Variants in CNTRL observed in about 807,000 individuals in gnomAD.
CNTRL encodes the protein centriolin.
A neutral mutation model predicts 303.7 loss-of-function variants in CNTRL; 233 were observed. The ratio of observed to expected loss-of-function variants is 0.77; its 90% confidence interval spans 0.69 to 0.86. CNTRL has a LOEUF of 0.86. Among genes scored for constraint, CNTRL ranks in the 40% least tolerant of loss-of-function variants. CNTRL has a pLI of 0.00. For synonymous variants in CNTRL, 900 were observed against 922.2 expected, an observed-to-expected ratio of 0.98 and a Z score of 0.44; for missense variants, 2,524 against 2,650.6, an observed-to-expected ratio of 0.95 and a Z score of 1.05.
intron 11 of CNTRL, among the ~76,000 whole-genome samples, chr9:121,116,400 G>A (rs2049979494): frequency 6.6e-6 from 1 of 151,724 alleles, no homozygotes; most frequent in African/African-American, 2.4e-5. Context: ...TTTTGAGACA[G>A]GGCCTTGACT....
chr9:121,093,987 G>A (rs781481025), intron 4 of CNTRL, among the ~76,000 whole-genome samples: 1 of 152,136 alleles, frequency 6.6e-6, no homozygotes, highest in Non-Finnish European at 1.5e-5. Context: ...GGACGCGCCT[G>A]TGGTCCCAGC....
At chr9:121,165,146 C>T (rs750723465) in intron 35 of CNTRL, 46 bp downstream of exon 35, 48 of 1,492,172 alleles carry the variant, frequency 3.2e-5, no homozygotes, top group Non-Finnish European at 3.3e-5. Context: ...CCTTGCCCTT[C>T]GTTAGATTCT....
chr9:121,160,664 G>C (rs1038590500), intron 32 of CNTRL, among the ~76,000 whole-genome samples: 1 of 152,038 alleles, frequency 6.6e-6, no homozygotes, highest in Non-Finnish European at 1.5e-5. Context: ...TATGTACATC[G>C]CAGCAATATT....
Position 121,075,417 on chromosome 9 carries a change from T to C in CNTRL, c.-205+350T>C, listed in dbSNP as rs181042245. ...GAGGGGAGAGCTGGGATGTGCCAGC[T>C]GTCTGTGGGGAGTGAGCGGGAGAAA... is the stretch of plus-strand genomic sequence containing the variant. On this transcript the variant is annotated intron_variant, in intron 1 of 43. Coordinates refer to ENST00000373855, the MANE Select transcript of CNTRL (RefSeq NM_007018.6). Among the ~76,000 whole-genome samples the C allele has an allele frequency of 5.1e-4, 78 of 152,266 alleles. 1 individual carries two copies. Among genetic ancestry groups the C allele is most frequent in the African/African-American group, 1.8e-3 (75 of 41,566 alleles).
intron 16 of CNTRL, 118 bp downstream of exon 16, chr9:121,138,797 A>T (rs537993463): frequency 1.0e-6 from 1 of 1,000,348 alleles, no homozygotes; most frequent in African/African-American, 1.6e-5. Context: ...AATTACTAGA[A>T]AAAAGGGAAT....
chr9:121,134,542 G>T (rs1041153009), intron 14 of CNTRL, among the ~76,000 whole-genome samples: 4 of 152,032 alleles, frequency 2.6e-5, no homozygotes, highest in Admixed American at 6.6e-5. Flanking sequence ...TGATCCACCC[G>T]CCTTGGCCTC....
rs2051676981 is a variant in CNTRL at position 121,143,922 on chromosome 9, A to G, written c.2891A>G (p.Lys964Arg). 1.9e-6 allele frequency: 3 copies of G among 1,594,800 alleles called. No homozygotes were observed. Among genetic ancestry groups the G allele is most frequent in the Non-Finnish European group, 2.6e-6 (3 of 1,175,020 alleles). Residue 964 changes from lysine (K) to arginine (R), a missense_variant, in exon 20 of 44, where the codon AAA becomes AGA. By Grantham distance (26) the Lys-to-Arg change is conservative. Coordinates refer to ENST00000373855, the MANE Select transcript of CNTRL (RefSeq NM_007018.6). The stretch of plus-strand genomic sequence containing the variant: ...TTTTAGAAGAAACTTGAAGATGCCA[A>G]ATCTCAGGAGCAAGTTTTTGGTTTA... Reference protein sequence around the residue: ...LEKKKKLEDAKSQEQVFGLDK... With the variant: ...LEKKKKLEDARSQEQVFGLDK...
chr9:121,129,393 T>C (rs1050965028), intron 14 of CNTRL, among the ~76,000 whole-genome samples: 3 of 152,230 alleles, frequency 2.0e-5, no homozygotes, highest in Admixed American at 2.0e-4. Flanking sequence ...TTACTCTCTT[T>C]GTAGCAATTG....
Position 121,166,163 on chromosome 9 carries a change from T to G in CNTRL, c.5638T>G (p.Leu1880Val). 6.2e-7 allele frequency: 1 copy of G among 1,612,046 alleles called. No homozygotes were observed. ...GGAACTAGCTAATGTCCAAGACCAT[T>G]TGAACCTAGCAAAACAGGTAAGGTT... Reference protein sequence around the residue: ...QEELANVQDHLNLAKQDLLHT... With the variant: ...QEELANVQDHVNLAKQDLLHT... Residue 1880 changes from leucine to valine, a missense_variant, in exon 36 of 44, where the codon TTG becomes GTG. Coordinates refer to ENST00000373855, the MANE Select transcript of CNTRL (RefSeq NM_007018.6).
At chr9:121,138,033 T>C (rs74919452) in intron 15 of CNTRL, among the ~76,000 whole-genome samples, 2,894 of 152,268 alleles carry the variant, frequency 0.019, 94 homozygotes, top group African/African-American at 0.066. Context: ...AGATCTCTGA[T>C]TGGTAAACTT....
At position 121,175,070 on chromosome 9, in the gene CNTRL, A is replaced by G; in HGVS notation, c.6800A>G (p.Lys2267Arg). 6.2e-7 allele frequency: 1 copy of G among 1,613,860 alleles called. No homozygotes were observed. The highest frequency in any genetic ancestry group is 1.1e-5 in the South Asian group (1 of 91,074). ...SKQAEVLIKG[K>R]RQTEGTLHSL... ...CAAGCAGAAGTATTAATTAAAGGAA[A>G]GCGGCAGACAGAGGGCACTTTACAC... Residue 2267 changes from lysine to arginine, a missense_variant, in exon 43 of 44, where the codon AAG becomes AGG. By Grantham distance (26) the Lys-to-Arg change is conservative. Transcript: ENST00000373855.
chr9:121,151,452 G>A (rs928689064), intron 25 of CNTRL, among the ~76,000 whole-genome samples: 6 of 137,394 alleles, frequency 4.4e-5, no homozygotes, highest in African/African-American at 1.3e-4. Flanking sequence ...GTGCGGTGGC[G>A]TGATCTTGGC....
intron 40 of CNTRL, among the ~76,000 whole-genome samples, chr9:121,172,947 G>A (rs2053372445): frequency 6.6e-6 from 1 of 152,174 alleles, no homozygotes; most frequent in African/African-American, 2.4e-5. Flanking sequence ...AATCAGATTG[G>A]TAACTAGCTT....
At chr9:121,171,144 A>G in intron 39 of CNTRL, 1 of 505,730 alleles carries the variant, frequency 2.0e-6, no homozygotes, top group Admixed American at 2.6e-5. Flanking sequence ...GGGTATTATT[A>G]TTCTCATTTT....
At position 121,138,828 on chromosome 9, in the gene CNTRL, A is replaced by T. The variant is rs1022440982; in HGVS notation, c.2337+149A>T. The T allele has an allele frequency of 8.8e-6, 6 of 683,050 alleles. No homozygotes were observed. In the African/African-American group the frequency reaches 1.1e-4, roughly 12 times the overall value. 42.3% of individuals were successfully genotyped at this position (683,050 alleles called of 1,614,324 possible). A position where few individuals can be genotyped will look rare whatever the true frequency, so the allele number is the denominator to read the frequency against. On this transcript the variant is annotated intron_variant, in intron 16 of 43. Transcript: ENST00000373855. ...GGAATTCTGGGTGGAGCAGCACCATAGCTCCTGTTCTCTTGTGACCATTGT... is the reference window on the plus strand; with the variant it reads ...GGAATTCTGGGTGGAGCAGCACCATTGCTCCTGTTCTCTTGTGACCATTGT...
Position 121,150,383 on chromosome 9 carries a change from C to T in CNTRL, c.3863C>T (p.Ala1288Val). 3.1e-6 allele frequency: 5 copies of T among 1,614,150 alleles called. No homozygotes were observed. Among genetic ancestry groups the T allele is most frequent in the Non-Finnish European group, 4.2e-6 (5 of 1,180,004 alleles). Reference sequence around the variant, plus strand: ...ACTGTTGTTTATGGCCCACCTCCTGCTGGGGCCCCCATGGTGTATGGGCCT... The same window carrying T: ...ACTGTTGTTTATGGCCCACCTCCTGTTGGGGCCCCCATGGTGTATGGGCCT... ...PGTVVYGPPP[A>V]GAPMVYGPPP... The change falls in exon 25 of 44, where the codon GCT (alanine) becomes GTT (valine). Residue 1288 changes from alanine to valine, a missense_variant. Physicochemically the swap from Ala to Val is moderately conservative, Grantham distance 64 (BLOSUM62 0). Coordinates refer to ENST00000373855, the MANE Select transcript of CNTRL (RefSeq NM_007018.6).
At chr9:121,177,047 T>G in intron 43 of CNTRL, 116 bp from the exon 44 acceptor site, 1 of 779,090 alleles carries the variant, frequency 1.3e-6, no homozygotes, top group East Asian at 2.8e-5. Flanking sequence ...TAAAACATTT[T>G]TCCAAAGAGG....
At chr9:121,077,810 G>T (rs2047985180) in intron 1 of CNTRL, among the ~76,000 whole-genome samples, 1 of 149,422 alleles carries the variant, frequency 6.7e-6, no homozygotes, top group East Asian at 2.0e-4. Context: ...GCCAAGCGTG[G>T]TTATATGCGC....
chr9:121,170,503 T>C (rs56077095), intron 39 of CNTRL, among the ~76,000 whole-genome samples: 396 of 152,104 alleles, frequency 2.6e-3, no homozygotes, highest in African/African-American at 9.3e-3. Flanking sequence ...TCGCCCAGTC[T>C]GGAGTGCAGT....
Sources: allele counts gnomAD v4.1 joint callset (sites outside exome capture counted in the v4.1 genomes callset), GRCh38; gene constraint gnomAD v4.1.1; transcripts MANE v1.5; gene names NCBI Gene and HGNC (gene_info 2026-07-23, HGNC 2026-07-21).